The following CENPP variants were observed in gnomAD, a reference collection of about 807,000 sequenced individuals.
The protein encoded by CENPP is centromere protein P.
CENPP carries 24 observed loss-of-function variants against 35.6 expected under a neutral mutation model. The observed-to-expected ratio is 0.67, with a 90% CI of 0.49 to 0.95. The LOEUF is 0.95. Among genes scored for constraint, CENPP ranks in the 40% least tolerant of loss-of-function variants. CENPP has a pLI of 0.00. For synonymous variants in CENPP, 120 were observed against 125.5 expected (o/e 0.96, Z 0.29); for missense variants, 332 against 345.3 (o/e 0.96, Z 0.31).
chr9:92,532,029 A>ATTTTTTTTTTTTTTTTTTTTTTT (rs201461115), intron 5 of CENPP, among the ~76,000 whole-genome samples: 2 of 91,042 alleles, frequency 2.2e-5, no homozygotes, highest in Non-Finnish European at 4.3e-5. Flanking sequence ...TTTTTTTTTT[A>ATTTTTTTTTTTTTTTTTTTTTTT]TTTTATTTTT....
intron 5 of CENPP, among the ~76,000 whole-genome samples, chr9:92,458,475 C>A (rs1171645992): frequency 6.6e-6 from 1 of 152,078 alleles, no homozygotes; most frequent in Non-Finnish European, 1.5e-5. Flanking sequence ...GTGTTCAGTC[C>A]CCCAGCTGCT....
chr9:92,610,108 T>TGCAGTGGTGCGATCTCAGCTCAG (rs1487423225), intron 5 of CENPP, among the ~76,000 whole-genome samples: 2 of 152,146 alleles, frequency 1.3e-5, no homozygotes, highest in Non-Finnish European at 2.9e-5. Context: ...CAGGCTGGAG[T>TGCAGTGGTGCGATCTCAGCTCAG]GCAGTGGTGC....
At chr9:92,574,486 C>G (rs867837892) in intron 5 of CENPP, among the ~76,000 whole-genome samples, 5 of 151,998 alleles carry the variant, frequency 3.3e-5, no homozygotes, top group Middle Eastern at 6.8e-3. Flanking sequence ...GTTACAATAG[C>G]ATAAAAAAAG....
At chr9:92,336,634 G>A (rs1487802097) in intron 2 of CENPP, among the ~76,000 whole-genome samples, 2 of 152,090 alleles carry the variant, frequency 1.3e-5, no homozygotes, top group Admixed American at 6.5e-5. Flanking sequence ...AGATGACTAC[G>A]TAAAGTCAGG....
intron 5 of CENPP, among the ~76,000 whole-genome samples, chr9:92,520,786 G>T (rs1398639499): frequency 6.6e-6 from 1 of 152,174 alleles, no homozygotes; most frequent in African/African-American, 2.4e-5. Flanking sequence ...CCATAAAAAG[G>T]AATGAAGTTC....
chr9:92,456,284 A>G (rs1844874305), intron 5 of CENPP: 1 of 152,230 alleles, frequency 6.6e-6, no homozygotes, highest in African/African-American at 2.4e-5. Flanking sequence ...TAAGAAATAC[A>G]TAAAGAACTC....
Position 92,514,274 on chromosome 9 carries a change from C to CT in CENPP, c.565-97022dup, listed in dbSNP as rs1044226766. 8.7e-3 allele frequency among the ~76,000 whole-genome samples: 1,143 copies of CT among 130,726 alleles called. 18 individuals are homozygous for CT. The highest frequency in any genetic ancestry group is 0.05 in the East Asian group (224 of 4,492). 85.8% of individuals were successfully genotyped at this position (130,726 alleles called of 152,430 possible). On this transcript the variant is annotated intron_variant, in intron 5 of 7. Coordinates refer to ENST00000375587, the MANE Select transcript of CENPP (RefSeq NM_001012267.3). The stretch of plus-strand genomic sequence containing the variant: ...ACTGCATGTGGCTTAGAGTCATTTA[C>CT]TTTTTTTTTTTTTTTTTTGAGATGG...
intron 5 of CENPP, among the ~76,000 whole-genome samples, chr9:92,606,241 G>A (rs117356459): frequency 0.026 from 3,903 of 152,286 alleles, 58 homozygotes; most frequent in Non-Finnish European, 0.041. Flanking sequence ...CAGCCTGTGA[G>A]AGAGAGTAAG....
intron 5 of CENPP, among the ~76,000 whole-genome samples, chr9:92,537,044 A>T (rs1273296711): frequency 7.0e-6 from 1 of 142,568 alleles, no homozygotes; most frequent in African/African-American, 2.6e-5. Context: ...TAATTTTTGT[A>T]TTTTTTTTTT....
chr9:92,619,663 T>C lies in CENPP; in HGVS notation c.*6514T>C, dbSNP rs1233305835. Reference sequence around the variant, plus strand: ...GTAGCCAAGTGTGGGAACTGCTTCCTGCCTCAGAACCTGAGGGTGGGATTA... The same window carrying C: ...GTAGCCAAGTGTGGGAACTGCTTCCCGCCTCAGAACCTGAGGGTGGGATTA... On this transcript the variant is annotated 3_prime_UTR_variant, in exon 8 of 8. Coordinates refer to ENST00000375587, the MANE Select transcript of CENPP (RefSeq NM_001012267.3). The C allele has an allele frequency of 3.6e-6, 4 of 1,104,720 alleles. No individual in the cohort carries two copies. Among genetic ancestry groups the C allele is most frequent in the Admixed American group, 4.0e-5 (2 of 50,108 alleles). The allele number at this position is 1,104,720 out of a possible 1,614,324, so 68.4% of individuals were successfully genotyped here.
chr9:92,335,530 T>C (rs927621054), intron 2 of CENPP, among the ~76,000 whole-genome samples: 23 of 152,140 alleles, frequency 1.5e-4, no homozygotes, highest in Admixed American at 5.2e-4. Flanking sequence ...TTTAGATCTG[T>C]GATAAATTTT....
At chr9:92,348,803 A>G (rs1363505073) in intron 4 of CENPP, among the ~76,000 whole-genome samples, 1 of 152,218 alleles carries the variant, frequency 6.6e-6, no homozygotes, top group Non-Finnish European at 1.5e-5. Context: ...TTTGCTGGCC[A>G]TAGAATTCTG....
At chr9:92,496,109 G>A in intron 5 of CENPP, 1 of 1,198,570 alleles carries the variant, frequency 8.3e-7, no homozygotes, top group Non-Finnish European at 1.0e-6. Context: ...GAAACTGAGA[G>A]ATTTTACCTT....
At chr9:92,588,847 A>G (rs1458321553) in intron 5 of CENPP, among the ~76,000 whole-genome samples, 1 of 152,186 alleles carries the variant, frequency 6.6e-6, no homozygotes, top group Non-Finnish European at 1.5e-5. Flanking sequence ...GGTTGTAGGA[A>G]GATGAGAGAT....
chr9:92,390,837 A>G (rs1842647290), intron 5 of CENPP, among the ~76,000 whole-genome samples: 1 of 152,214 alleles, frequency 6.6e-6, no homozygotes, highest in Non-Finnish European at 1.5e-5. Flanking sequence ...TATATTGTTG[A>G]ATCATTAATA....
chr9:92,514,850 C>T (rs770405287), intron 5 of CENPP: 18 of 1,609,678 alleles, frequency 1.1e-5, no homozygotes, highest in Non-Finnish European at 1.3e-5. Flanking sequence ...CCCTCCTCAC[C>T]CTCCTCCTCC....
chr9:92,560,866 G>A (rs199696735), intron 5 of CENPP, among the ~76,000 whole-genome samples: 1 of 107,872 alleles, frequency 9.3e-6, no homozygotes, highest in Non-Finnish European at 1.8e-5. Context: ...CCTTTTTCTT[G>A]TCTTTTTTTT....
chr9:92,571,907 CTTTTTTTT>C (rs145507230), intron 5 of CENPP, among the ~76,000 whole-genome samples: 17 of 127,144 alleles, frequency 1.3e-4, no homozygotes, highest in African/African-American at 4.6e-4. Context: ...TGCAACTCCT[CTTTTTTTT>C]TTTTTTTTTG....
chr9:92,432,543 G>A (rs1209663205), intron 5 of CENPP, among the ~76,000 whole-genome samples: 1 of 152,142 alleles, frequency 6.6e-6, no homozygotes, highest in Non-Finnish European at 1.5e-5. Flanking sequence ...AGCAGATGTT[G>A]TAGAATCCTT....
Sources: allele counts gnomAD v4.1 joint callset (sites outside exome capture counted in the v4.1 genomes callset), GRCh38; gene constraint gnomAD v4.1.1; transcripts MANE v1.5; gene names NCBI Gene and HGNC (gene_info 2026-07-23, HGNC 2026-07-21).